The following ARHGAP23 variants were observed in gnomAD, a reference collection of about 807,000 sequenced individuals.
ARHGAP23 encodes the protein rho GTPase-activating protein 23.
ARHGAP23 carries 34 observed loss-of-function variants against 136.3 expected under a neutral mutation model. The ratio of observed to expected loss-of-function variants is 0.25; its 90% CI spans 0.19 to 0.33. The LOEUF is 0.33. Among genes scored for constraint, ARHGAP23 ranks in the 10% least tolerant of loss-of-function variants. The pLI, the probability that ARHGAP23 is intolerant of heterozygous loss-of-function variation, is 1.00. For synonymous variants in ARHGAP23, 832 were observed against 920.5 expected, an observed-to-expected ratio of 0.90 and a Z score of 1.74; for missense variants, 1,808 against 2,139.0, an observed-to-expected ratio of 0.85 and a Z score of 3.05.
At chr17:38,482,709 G>C (rs751506175) in intron 16 of ARHGAP23, 31 bp downstream of exon 16, 1 of 1,529,868 alleles carries the variant, frequency 6.5e-7, no homozygotes, top group South Asian at 1.2e-5. Flanking sequence ...TGTGGAAGAG[G>C]GGCTGAGATG....
intron 23 of ARHGAP23, among the ~76,000 whole-genome samples, chr17:38,504,910 A>G (rs1380004660): frequency 7.0e-6 from 1 of 143,622 alleles, no homozygotes; most frequent in Non-Finnish European, 1.5e-5. Flanking sequence ...CCAGGCACAC[A>G]TGGCAGTCTC....
chr17:38,480,286 G>A, intron 14 of ARHGAP23, among the ~76,000 whole-genome samples: 1 of 152,158 alleles, frequency 6.6e-6, no homozygotes, highest in East Asian at 1.9e-4. Flanking sequence ...CAGATCACCT[G>A]AGGTCAGGAG....
At chr17:38,437,283 C>T (rs1367862021) in intron 1 of ARHGAP23, among the ~76,000 whole-genome samples, 1 of 151,772 alleles carries the variant, frequency 6.6e-6, no homozygotes, top group African/African-American at 2.4e-5. Flanking sequence ...AGGCACACAC[C>T]ACCATGCTTG....
At chr17:38,447,437 GAAAAAA>G (rs71138625) in intron 1 of ARHGAP23, among the ~76,000 whole-genome samples, 29 of 25,642 alleles carry the variant, frequency 1.1e-3, no homozygotes, top group African/African-American at 1.3e-3. Context: ...GACTCCGTCT[GAAAAAA>G]AAAAAAAAAA....
chr17:38,440,338 A>G (rs1254689468), intron 1 of ARHGAP23, among the ~76,000 whole-genome samples: 2 of 152,130 alleles, frequency 1.3e-5, no homozygotes, highest in Admixed American at 6.5e-5. Flanking sequence ...GAACTTTTAA[A>G]CACTATGCCC....
In ARHGAP23 at chr17:38,488,511, G is replaced by A. The variant is rs1567818807; in HGVS notation, c.2987-1591G>A. ...TGGCCTGCCATTTGCCTTTCACTTT[G>A]CAGTATAGAAACTGAAAACAAATTT... On this transcript the variant is annotated intron_variant, in intron 17 of 23. Coordinates refer to ENST00000622683, the MANE Select transcript of ARHGAP23 (RefSeq NM_001199417.2). Among the ~76,000 whole-genome samples the A allele has an allele frequency of 4.6e-5, 7 of 152,282 alleles. No homozygotes were observed. The South Asian group carries it at 1.5e-3, about 32-fold the overall frequency.
At chr17:38,494,483 G>C (rs534083946) in intron 20 of ARHGAP23, among the ~76,000 whole-genome samples, 22 of 152,148 alleles carry the variant, frequency 1.4e-4, no homozygotes, top group African/African-American at 4.3e-4. Context: ...CAACTACTTG[G>C]GGGGCTGAGG....
intron 1 of ARHGAP23, among the ~76,000 whole-genome samples, chr17:38,453,221 T>C (rs2039222387): frequency 6.6e-6 from 1 of 151,798 alleles, no homozygotes; most frequent in South Asian, 2.1e-4. Flanking sequence ...GTGTATACGA[T>C]GTGGAAGAGT....
chr17:38,480,965 C>T (rs2040024999), intron 14 of ARHGAP23, among the ~76,000 whole-genome samples: 1 of 151,660 alleles, frequency 6.6e-6, no homozygotes, highest in Non-Finnish European at 1.5e-5. Flanking sequence ...AGGTCCTATC[C>T]CTACAAAATA....
rs1035154486 is a variant in ARHGAP23 at position 38,512,121 on chromosome 17, C to T, written c.*1149C>T. The T allele has an allele frequency of 6.6e-6, 1 of 152,148 alleles. No individual in the cohort carries two copies. Among genetic ancestry groups the T allele is most frequent in the African/African-American group, 2.4e-5 (1 of 41,418 alleles). 9.4% of individuals were successfully genotyped at this position (152,148 alleles called of 1,614,324 possible). ...GATTTACTGTAAAGTAGATTTCTTT[C>T]CCTCCCTCCCCCATTCTTTTATTGT... On this transcript the variant is annotated 3_prime_UTR_variant, in exon 24 of 24. Transcript: ENST00000622683.
chr17:38,492,879 G>A (rs553135259), intron 20 of ARHGAP23, among the ~76,000 whole-genome samples: 1 of 152,346 alleles, frequency 6.6e-6, no homozygotes, highest in Non-Finnish European at 1.5e-5. Flanking sequence ...CTCCCGTGAG[G>A]GTGTGTTTTG....
chr17:38,424,029 A>C (rs957623051), upstream of ARHGAP23, among the ~76,000 whole-genome samples: 3 of 152,150 alleles, frequency 2.0e-5, no homozygotes, highest in Non-Finnish European at 4.4e-5. Flanking sequence ...CATCTTACAG[A>C]GGGTGAAACT....
intron 1 of ARHGAP23, among the ~76,000 whole-genome samples, chr17:38,447,291 AT>A (rs1171612900): frequency 6.6e-6 from 1 of 151,686 alleles, no homozygotes; most frequent in Non-Finnish European, 1.5e-5. Context: ...AAAATACAAA[AT>A]TTAGCCGGGC....
intron 3 of ARHGAP23, among the ~76,000 whole-genome samples, chr17:38,461,563 G>T (rs2039461346): frequency 1.3e-5 from 2 of 152,216 alleles, no homozygotes; most frequent in Non-Finnish European, 2.9e-5. Context: ...CCATCCAGAG[G>T]CCGTGATGAG....
Position 38,456,878 on chromosome 17 carries a change from G to A in ARHGAP23, c.64-1224G>A, listed in dbSNP as rs1259578156. Among the ~76,000 whole-genome samples, 3 of 151,884 alleles carry A rather than the reference G, an allele frequency of 2.0e-5. No homozygotes were observed. The East Asian group carries it at 5.8e-4, about 29-fold the overall frequency. The stretch of plus-strand genomic sequence containing the variant: ...TGGAGAATCCTGAGAATTTTGGGAG[G>A]TCTGACAGGAGGCTTTAGTGTCTCT... On this transcript the variant is annotated intron_variant, in intron 1 of 23. Coordinates refer to ENST00000622683, the MANE Select transcript of ARHGAP23 (RefSeq NM_001199417.2).
chr17:38,504,976 A>ATCTTTT (rs2040598761), intron 23 of ARHGAP23, among the ~76,000 whole-genome samples: 7 of 54,036 alleles, frequency 1.3e-4, no homozygotes, highest in East Asian at 5.0e-4. Context: ...CTCCCTTATC[A>ATCTTTT]TCTTTTTTTT....
intron 1 of ARHGAP23, among the ~76,000 whole-genome samples, chr17:38,443,826 C>T (rs1195552185): frequency 1.3e-5 from 2 of 152,144 alleles, no homozygotes; most frequent in Non-Finnish European, 2.9e-5. Context: ...TGGGACCCAG[C>T]TCTTGCCTGA....
intron 10 of ARHGAP23, among the ~76,000 whole-genome samples, chr17:38,470,179 C>G (rs1230960946): frequency 2.0e-5 from 3 of 152,228 alleles, no homozygotes; most frequent in African/African-American, 7.2e-5. Flanking sequence ...ACTCACTTCT[C>G]CCCTGTCTTC....
At position 38,477,502 on chromosome 17, in the gene ARHGAP23, G is replaced by A; in HGVS notation, c.2119-77G>A. ...GGGGTCCATCCCCTGGCTGTCCTCT[G>A]TCTGCTACTCTGAGAGCAGTGGGCA... On this transcript the variant is annotated intron_variant, in intron 11 of 23. Transcript: ENST00000622683. This position sits in a 1 kb window ranked among gnomAD's most constrained non-coding sequence, Gnocchi z 6.6. 1 of 1,146,126 alleles carries A rather than the reference G, an allele frequency of 8.7e-7. No individual in the cohort carries two copies. The highest frequency in any genetic ancestry group is 3.2e-5 in the South Asian group (1 of 30,998). 71.0% of individuals were successfully genotyped at this position (1,146,126 alleles called of 1,614,324 possible). A position where few individuals can be genotyped will look rare whatever the true frequency, so the allele number is the denominator to read the frequency against.
Sources: gnomAD v4.1 joint callset for allele counts (sites outside exome capture counted in the v4.1 genomes callset) on GRCh38, gnomAD v4.1.1 for gene constraint, Gnocchi (gnomAD v3.1) non-coding constraint, MANE v1.5 for transcripts, NCBI Gene and HGNC (gene_info 2026-07-23, HGNC 2026-07-21) for gene names.